The following GPC5 variants were observed in gnomAD, a reference collection of about 807,000 sequenced individuals.
GPC5 encodes the protein glypican-5.
A neutral mutation model predicts 53.9 loss-of-function variants in GPC5; 47 were observed. The observed-to-expected ratio is 0.87, with a 90% CI of 0.69 to 1.11. GPC5 has a LOEUF of 1.11. Among genes scored for constraint, GPC5 ranks in the 50% most tolerant of loss-of-function variants. GPC5 has a pLI of 0.00. For missense variants in GPC5, 748 were observed against 713.1 expected (o/e 1.05, Z -0.56); for synonymous variants, 286 against 263.3 (o/e 1.09, Z -0.84).
chr13:92,163,066 T>G (rs1488304435), intron 7 of GPC5, among the ~76,000 whole-genome samples: 1 of 152,118 alleles, frequency 6.6e-6, no homozygotes, highest in Non-Finnish European at 1.5e-5. Context: ...TATGTTAAGT[T>G]AATGTATGAA....
intron 7 of GPC5, among the ~76,000 whole-genome samples, chr13:92,554,242 A>T (rs1350561745): frequency 2.6e-5 from 4 of 151,906 alleles, no homozygotes; most frequent in African/African-American, 9.7e-5. Flanking sequence ...TTACATTTGA[A>T]TCAAAGTATC....
intron 7 of GPC5, among the ~76,000 whole-genome samples, chr13:92,811,523 A>T (rs906421536): frequency 6.6e-6 from 1 of 151,930 alleles, no homozygotes; most frequent in Non-Finnish European, 1.5e-5. Flanking sequence ...ATATTAAAAC[A>T]TTATCAGATA....
intron 7 of GPC5, among the ~76,000 whole-genome samples, chr13:92,300,888 G>A (rs941955307): frequency 2.6e-5 from 4 of 152,154 alleles, no homozygotes; most frequent in African/African-American, 7.2e-5. Flanking sequence ...AGCTAATTGA[G>A]GCATCAGCAA....
intron 6 of GPC5, among the ~76,000 whole-genome samples, chr13:92,123,942 G>C (rs1327313931): frequency 6.6e-6 from 1 of 151,974 alleles, no homozygotes; most frequent in South Asian, 2.1e-4. Context: ...AAGATGAATA[G>C]CATTGAGTTT....
intron 2 of GPC5, among the ~76,000 whole-genome samples, chr13:91,533,424 C>A (rs997447129): frequency 6.6e-6 from 1 of 152,116 alleles, no homozygotes; most frequent in African/African-American, 2.4e-5. Flanking sequence ...GAATAAAAAA[C>A]CCCACATAAT....
At chr13:92,661,168 G>A (rs1055431982) in intron 7 of GPC5, among the ~76,000 whole-genome samples, 43 of 151,892 alleles carry the variant, frequency 2.8e-4, no homozygotes, top group African/African-American at 1.0e-3. Context: ...GGTGGTGTGC[G>A]CATACACTCC....
intron 6 of GPC5, among the ~76,000 whole-genome samples, chr13:92,129,509 AAC>A (rs2041726476): frequency 6.6e-6 from 1 of 152,224 alleles, no homozygotes; most frequent in African/African-American, 2.4e-5. Context: ...CAATCAACAA[AAC>A]ACATGTGCAC....
chr13:92,516,459 G>A (rs1880787321), intron 7 of GPC5, among the ~76,000 whole-genome samples: 1 of 152,058 alleles, frequency 6.6e-6, no homozygotes, highest in Non-Finnish European at 1.5e-5. Flanking sequence ...GAGTCAAAAT[G>A]GCTAAAATGA....
intron 5 of GPC5, among the ~76,000 whole-genome samples, chr13:91,871,833 G>A (rs9556125): frequency 0.049 from 7,496 of 152,022 alleles, 370 homozygotes; most frequent in East Asian, 0.21. Context: ...TTAGTGCAGA[G>A]CCTACAACTG....
intron 6 of GPC5, among the ~76,000 whole-genome samples, chr13:92,112,755 TA>T (rs2041568448): frequency 6.6e-6 from 1 of 152,120 alleles, no homozygotes; most frequent in Non-Finnish European, 1.5e-5. Context: ...TGTGTATATA[TA>T]TGTATGTGTT....
intron 7 of GPC5, among the ~76,000 whole-genome samples, chr13:92,419,402 T>C (rs914095244): frequency 6.6e-6 from 1 of 152,178 alleles, no homozygotes; most frequent in African/African-American, 2.4e-5. Flanking sequence ...GAATACTTTG[T>C]AGAGTGGGAA....
chr13:91,679,370 G>T (rs1452946216), intron 2 of GPC5, among the ~76,000 whole-genome samples: 2 of 152,072 alleles, frequency 1.3e-5, no homozygotes, highest in African/African-American at 4.8e-5. Flanking sequence ...AGGTCAGAAA[G>T]ATGCTGAAAC....
intron 4 of GPC5, among the ~76,000 whole-genome samples, chr13:91,736,185 AAAT>A (rs1253769020): frequency 6.6e-6 from 1 of 151,288 alleles, no homozygotes; most frequent in Non-Finnish European, 1.5e-5. Flanking sequence ...TAAGATAATA[AAAT>A]AATAAAGCAG....
chr13:92,180,143 GATACCCAGC>G (rs756561380), intron 7 of GPC5, among the ~76,000 whole-genome samples: 3 of 152,150 alleles, frequency 2.0e-5, no homozygotes, highest in Non-Finnish European at 4.4e-5. Context: ...GGTGGTCCAG[GATACCCAGC>G]TTATGCATGA....
chr13:92,705,705 G>GC (rs1887925782), intron 7 of GPC5, among the ~76,000 whole-genome samples: 1 of 151,960 alleles, frequency 6.6e-6, no homozygotes, highest in South Asian at 2.1e-4. Context: ...ATACGTCTAT[G>GC]TTGGAAAGCA....
intron 7 of GPC5, among the ~76,000 whole-genome samples, chr13:92,828,221 A>T (rs1877920030): frequency 6.6e-6 from 1 of 152,118 alleles, no homozygotes; most frequent in South Asian, 2.1e-4. Context: ...TACGTAGATT[A>T]CACAAAATAA....
At chr13:91,466,857 AC>A in intron 2 of GPC5, among the ~76,000 whole-genome samples, 1 of 152,044 alleles carries the variant, frequency 6.6e-6, no homozygotes, top group East Asian at 1.9e-4. Flanking sequence ...ATTCTATTCA[AC>A]TCTAAGACTG....
chr13:92,734,759 G>A (rs1888893596), intron 7 of GPC5, among the ~76,000 whole-genome samples: 1 of 151,894 alleles, frequency 6.6e-6, no homozygotes, highest in Admixed American at 6.6e-5. Flanking sequence ...TGAAGCAGCA[G>A]ATTTAGTTTA....
At chr13:92,826,687 G>A (rs530350712) in intron 7 of GPC5, among the ~76,000 whole-genome samples, 16 of 152,092 alleles carry the variant, frequency 1.1e-4, no homozygotes, top group African/African-American at 3.9e-4. Flanking sequence ...TTACCATAAG[G>A]GTGTACAATT....
Sources: gnomAD v4.1 joint callset for allele counts (sites outside exome capture counted in the v4.1 genomes callset) on GRCh38, gnomAD v4.1.1 for gene constraint, MANE v1.5 for transcripts, NCBI Gene and HGNC (gene_info 2026-07-23, HGNC 2026-07-21) for gene names.